ZNF804A: variants seen among roughly 807,000 people sequenced by gnomAD.
ZNF804A encodes the protein zinc finger protein 804A.
In ZNF804A, 2 loss-of-function variants were observed where a neutral mutation model predicts 16.5. The ratio of observed to expected loss-of-function variants is 0.12; its 90% CI spans 0.05 to 0.38. The LOEUF is 0.38. ZNF804A is among the 10% of genes least tolerant of loss of function. The pLI is 0.99. For missense variants in ZNF804A, 1,473 were observed against 1,390.7 expected, an observed-to-expected ratio of 1.06 and a Z score of -0.94; for synonymous variants, 534 against 489.6, an observed-to-expected ratio of 1.09 and a Z score of -1.20.
chr2:184,752,262 AATGTGGT>A (rs1293552212), intron 1 of ZNF804A, among the ~76,000 whole-genome samples: 5 of 151,762 alleles, frequency 3.3e-5, no homozygotes, highest in African/African-American at 9.7e-5. Context: ...GAATAAAGAT[AATGTGGT>A]ATATATACAC....
At chr2:184,743,223 C>G (rs187388868) in intron 1 of ZNF804A, among the ~76,000 whole-genome samples, 1 of 152,054 alleles carries the variant, frequency 6.6e-6, no homozygotes, top group African/African-American at 2.4e-5. Flanking sequence ...TCATTATCCA[C>G]CCCACTTGAA....
At chr2:184,714,903 C>A (rs186064102) in intron 1 of ZNF804A, among the ~76,000 whole-genome samples, 14 of 152,222 alleles carry the variant, frequency 9.2e-5, no homozygotes, top group Admixed American at 5.2e-4. Flanking sequence ...GAAAGGAAAT[C>A]TGGCATTACT....
intron 1 of ZNF804A, among the ~76,000 whole-genome samples, chr2:184,734,817 G>T (rs566102666): frequency 6.0e-4 from 92 of 152,188 alleles, no homozygotes; most frequent in Middle Eastern, 6.8e-3. Context: ...AATTCTAGCA[G>T]TTTTTTCCTC....
chr2:184,724,570 A>G (rs893121694), intron 1 of ZNF804A, among the ~76,000 whole-genome samples: 24 of 150,240 alleles, frequency 1.6e-4, no homozygotes, highest in African/African-American at 5.9e-4. Flanking sequence ...ATACTACTGT[A>G]TTATTAGATC....
rs146662265 is a variant in ZNF804A at position 184,892,457 on chromosome 2, C to T, written c.255+25945C>T. On this transcript the variant is annotated intron_variant, in intron 2 of 3. Transcript: ENST00000302277. ...ATACCATTAGCATTTTTCGCTTCCA[C>T]CTTCTATTCCTCACATTGTTGTGTT... 8.9e-3 allele frequency among the ~76,000 whole-genome samples: 1,330 copies of T among 149,216 alleles called. 23 individuals are homozygous for T. Among genetic ancestry groups the T allele is most frequent in the African/African-American group, 0.031 (1,270 of 40,656 alleles).
chr2:184,896,931 G>A (rs537981097), intron 2 of ZNF804A, among the ~76,000 whole-genome samples: 1 of 152,140 alleles, frequency 6.6e-6, no homozygotes. Flanking sequence ...GTTTATATGT[G>A]TGGATATGAT....
chr2:184,819,821 A>C (rs1427428003), intron 1 of ZNF804A, among the ~76,000 whole-genome samples: 1 of 152,090 alleles, frequency 6.6e-6, no homozygotes, highest in East Asian at 1.9e-4. Context: ...AATCTAGAAG[A>C]AATTGATCAA....
At chr2:184,843,662 T>G (rs1350874520) in intron 1 of ZNF804A, among the ~76,000 whole-genome samples, 2 of 152,180 alleles carry the variant, frequency 1.3e-5, no homozygotes, top group East Asian at 1.9e-4. Context: ...GTGTTCTCCA[T>G]GAAGTTCCAG....
At chr2:184,824,557 A>G (rs1402261193) in intron 1 of ZNF804A, among the ~76,000 whole-genome samples, 2 of 151,716 alleles carry the variant, frequency 1.3e-5, no homozygotes, top group Non-Finnish European at 2.9e-5. Flanking sequence ...ATATTTTCTC[A>G]TCCTTCTATA....
chr2:184,612,495 G>A (rs982696458), intron 1 of ZNF804A, among the ~76,000 whole-genome samples: 1 of 151,244 alleles, frequency 6.6e-6, no homozygotes. Context: ...CTGGAGTGCA[G>A]TGGTGTGATC....
chr2:184,723,562 A>T (rs773480362), intron 1 of ZNF804A, among the ~76,000 whole-genome samples: 1 of 151,942 alleles, frequency 6.6e-6, no homozygotes, highest in Non-Finnish European at 1.5e-5. Context: ...TTTTATAGGA[A>T]CACCATTCAA....
At chr2:184,646,222 A>G (rs932449308) in intron 1 of ZNF804A, among the ~76,000 whole-genome samples, 7 of 152,204 alleles carry the variant, frequency 4.6e-5, no homozygotes, top group Admixed American at 4.6e-4. Flanking sequence ...CACAGCCAGA[A>G]CTATGTAAAG....
At chr2:184,718,118 T>C (rs1344880931) in intron 1 of ZNF804A, among the ~76,000 whole-genome samples, 1 of 152,208 alleles carries the variant, frequency 6.6e-6, no homozygotes, top group Non-Finnish European at 1.5e-5. Flanking sequence ...CTCATAATCA[T>C]GGTGGATGGC....
At chr2:184,640,444 C>G (rs963870101) in intron 1 of ZNF804A, among the ~76,000 whole-genome samples, 1 of 151,714 alleles carries the variant, frequency 6.6e-6, no homozygotes, top group Non-Finnish European at 1.5e-5. Flanking sequence ...CCAATCAATA[C>G]TATATAATTT....
Position 184,598,707 on chromosome 2 carries a change from G to C in ZNF804A, c.-253G>C. ...CTGGAATCCTCCCGCGGGGCTCGTC[G>C]TCCCGACGCGAATCTGAGGAGAAAC... On this transcript the variant is annotated 5_prime_UTR_variant, in exon 1 of 4. Coordinates refer to ENST00000302277, the MANE Select transcript of ZNF804A (RefSeq NM_194250.2). 2 of 286,232 alleles carry C rather than the reference G, an allele frequency of 7.0e-6. No homozygotes were observed. The highest frequency in any genetic ancestry group is 1.2e-4 in the East Asian group (2 of 16,948). 17.7% of individuals were successfully genotyped at this position (286,232 alleles called of 1,614,324 possible). A position where few individuals can be genotyped will look rare whatever the true frequency, so the allele number is the denominator to read the frequency against.
At chr2:184,703,687 T>A (rs7597521) in intron 1 of ZNF804A, among the ~76,000 whole-genome samples, 2 of 36,616 alleles carry the variant, frequency 5.5e-5, no homozygotes, top group African/African-American at 1.4e-4. Flanking sequence ...AAGACTCCGG[T>A]TCAAAAAAAA....
At chr2:184,663,915 T>G (rs556264687) in intron 1 of ZNF804A, among the ~76,000 whole-genome samples, 16 of 152,212 alleles carry the variant, frequency 1.1e-4, no homozygotes, top group African/African-American at 3.9e-4. Flanking sequence ...GAGCAAATGA[T>G]TATAGGAAAG....
intron 1 of ZNF804A, among the ~76,000 whole-genome samples, chr2:184,610,867 T>C (rs917060334): frequency 6.6e-6 from 1 of 152,224 alleles, no homozygotes; most frequent in African/African-American, 2.4e-5. Context: ...ATGTTATCTT[T>C]AGATAAAAGA....
At chr2:184,919,960 T>C (rs144544499) in intron 2 of ZNF804A, among the ~76,000 whole-genome samples, 3 of 152,036 alleles carry the variant, frequency 2.0e-5, no homozygotes, top group African/African-American at 4.8e-5. Context: ...ACTAATAATA[T>C]AAAAATTAGC....
Sources: gnomAD v4.1 joint callset for allele counts (sites outside exome capture counted in the v4.1 genomes callset) on GRCh38, gnomAD v4.1.1 for gene constraint, MANE v1.5 for transcripts, NCBI Gene and HGNC (gene_info 2026-07-23, HGNC 2026-07-21) for gene names.